TAF1: variants seen among roughly 807,000 people sequenced by gnomAD.
TAF1 encodes TATA-box binding protein associated factor 1.
A neutral mutation model predicts 138.5 loss-of-function variants in TAF1; 2 were observed. That is an observed-to-expected ratio of 0.01 (90% confidence interval 0.01 to 0.05). TAF1 has a LOEUF of 0.05. TAF1 is among the 10% of genes least tolerant of loss of function. The pLI is 1.00. For missense variants in TAF1, 709 were observed against 1,478.0 expected (o/e 0.48, Z 8.53); for synonymous variants, 437 against 503.2 (o/e 0.87, Z 1.76).
chrX:71,473,283 TACAAAAG>T (rs1455449181), intron 13 of TAF1, among the ~76,000 whole-genome samples: 1 of 110,455 alleles, frequency 9.1e-6, no homozygotes, highest in Non-Finnish European at 1.9e-5. Flanking sequence ...AGCTTTACAG[TACAAAAG>T]ACCTTTAAGC....
intron 18 of TAF1, 168 bp downstream of exon 18, chrX:71,389,833 T>A: frequency 2.7e-6 from 1 of 367,628 alleles, no homozygotes; most frequent in Non-Finnish European, 4.6e-6. Context: ...TATCAAATAT[T>A]ATATTTTATA....
At chrX:71,425,599 C>T (rs2036552235) in intron 32 of TAF1, among the ~76,000 whole-genome samples, 1 of 111,321 alleles carries the variant, frequency 9.0e-6, no homozygotes, top group South Asian at 3.8e-4. Context: ...GAGCTATGAT[C>T]ACGCCCCTGC....
chrX:71,478,522 TCAAACAAACAAA>T lies in TAF1; in HGVS notation c.1366+17736_1366+17747del, dbSNP rs745332638. On this transcript the variant is annotated intron_variant and NMD_transcript_variant, in intron 13 of 14. Transcript: ENST00000373775. The stretch of plus-strand genomic sequence containing the variant: ...CTAGGTGATAGAGCAAGACCTTGTC[TCAAACAAACAAA>T]CAAACAAACAAACAAAAACAAGAGA... Among the ~76,000 whole-genome samples the T allele has an allele frequency of 4.6e-5, 5 of 109,788 alleles. No homozygotes were observed. In the East Asian group the frequency reaches 8.6e-4, roughly 19 times the overall value.
intron 32 of TAF1, among the ~76,000 whole-genome samples, chrX:71,441,490 A>C (rs1326133946): frequency 9.0e-6 from 1 of 111,431 alleles, no homozygotes; most frequent in Non-Finnish European, 1.9e-5. Flanking sequence ...ATTTCCATAC[A>C]TATAATTTAT....
chrX:71,405,467 T>C lies in TAF1; in HGVS notation c.3999-1171T>C, dbSNP rs188784583. ...CTGGGTTCACGTGATTCTCCTGCCTTAGCCTCCCAAGTAGCTGGTACTACA... is the reference window on the plus strand; with the variant it reads ...CTGGGTTCACGTGATTCTCCTGCCTCAGCCTCCCAAGTAGCTGGTACTACA... On this transcript the variant is annotated intron_variant, in intron 25 of 37. Transcript: ENST00000423759. Among the ~76,000 whole-genome samples the C allele has an allele frequency of 6.3e-5, 7 of 111,356 alleles. No individual in the cohort carries two copies. The East Asian group carries it at 2.0e-3, about 32-fold the overall frequency.
chrX:71,437,744 G>T (rs1234832459), intron 32 of TAF1, among the ~76,000 whole-genome samples: 5 of 108,903 alleles, frequency 4.6e-5, no homozygotes, highest in Non-Finnish European at 9.5e-5. Flanking sequence ...ATCCTGCTTG[G>T]GTCTCTTGCT....
At chrX:71,413,641 C>G (rs1412091848) in intron 28 of TAF1, among the ~76,000 whole-genome samples, 2 of 111,409 alleles carry the variant, frequency 1.8e-5, no homozygotes, top group African/African-American at 6.5e-5. Flanking sequence ...CCCCATACCT[C>G]TCTTCAGGGC....
intron 32 of TAF1, among the ~76,000 whole-genome samples, chrX:71,428,095 A>ACC (rs1214895955): frequency 1.2e-5 from 1 of 83,234 alleles, no homozygotes; most frequent in Admixed American, 1.6e-4. Flanking sequence ...GGCTCACTGC[A>ACC]CCCTCCGCCT....
chrX:71,367,738 T>G, intron 2 of TAF1, 125 bp downstream of exon 2: 1 of 801,478 alleles, frequency 1.2e-6, no homozygotes, highest in Non-Finnish European at 1.8e-6. Flanking sequence ...TGGGGCGATC[T>G]GGGCTGACTG....
chrX:71,376,627 A>G (rs1403409404), intron 4 of TAF1, among the ~76,000 whole-genome samples: 1 of 108,843 alleles, frequency 9.2e-6, no homozygotes, highest in Non-Finnish European at 1.9e-5. Flanking sequence ...AGATCTCACC[A>G]CTGCACTCCA....
chrX:71,437,979 G>C (rs745939894), intron 32 of TAF1, among the ~76,000 whole-genome samples: 1 of 108,326 alleles, frequency 9.2e-6, no homozygotes, highest in African/African-American at 3.4e-5. Flanking sequence ...GGGATTACAG[G>C]CGTGCACCAC....
intron 13 of TAF1, among the ~76,000 whole-genome samples, chrX:71,474,082 T>C (rs888008925): frequency 2.7e-5 from 3 of 109,371 alleles, no homozygotes; most frequent in Non-Finnish European, 5.7e-5. Context: ...GAAGCAGAGG[T>C]TGTAGTGAGC....
At chrX:71,391,709 C>T (rs1241908188) in intron 18 of TAF1, among the ~76,000 whole-genome samples, 1 of 105,407 alleles carries the variant, frequency 9.5e-6, no homozygotes, top group Non-Finnish European at 1.9e-5. Flanking sequence ...TGACTGCAAC[C>T]TCTGCCTGCT....
intron 32 of TAF1, chrX:71,441,620 A>G (rs2037427382): frequency 6.9e-6 from 2 of 291,413 alleles, no homozygotes; most frequent in Non-Finnish European, 1.3e-5. Flanking sequence ...ATTATTAACT[A>G]TAGTCATTCT....
chrX:71,378,703 T>C (rs2033655895), intron 7 of TAF1, 121 bp from the exon 8 acceptor site: 4 of 780,311 alleles, frequency 5.1e-6, no homozygotes, highest in Non-Finnish European at 7.6e-6. Flanking sequence ...CGTTATCAGG[T>C]GGTTGTTTCA....
At position 71,387,333 on chromosome X, in the gene TAF1, C is replaced by G; in HGVS notation, c.2299C>G (p.Arg767Gly). The part of the protein sequence containing the change: ...KMPETDFLII[R>G]TRQGYYIREL... ...GCCAGAAACTGATTTCTTGATCATT[C>G]GGACAAGACAGGGTTACTATATTCG... Residue 767 changes from arginine to glycine, a missense_variant, in exon 15 of 38, where the codon CGG becomes GGG. Arg to Gly is a moderately radical substitution (Grantham distance 125). This residue lies in a region of TAF1 where 201 missense variants were observed against 421.3 expected (regional missense o/e 0.48). Transcript: ENST00000423759. 1 of 1,211,824 alleles carries G rather than the reference C, an allele frequency of 8.3e-7. No individual in the cohort carries two copies. Among genetic ancestry groups the G allele is most frequent in the East Asian group, 3.0e-5 (1 of 33,857 alleles).
chrX:71,515,616 A>G (rs2039810259), intron 13 of TAF1, among the ~76,000 whole-genome samples: 1 of 111,452 alleles, frequency 9.0e-6, no homozygotes, highest in East Asian at 2.8e-4. Flanking sequence ...CTAATACTAT[A>G]TATGAAAGTT....
At chrX:71,468,515 G>A (rs760576278), downstream of TAF1, among the ~76,000 whole-genome samples, 18 of 107,729 alleles carry the variant, frequency 1.7e-4, no homozygotes, top group South Asian at 7.5e-3. Context: ...GTGAAACCCC[G>A]TCTCTACTAA....
chrX:71,400,959 T>C (rs1284007774), intron 24 of TAF1, among the ~76,000 whole-genome samples: 1 of 112,174 alleles, frequency 8.9e-6, no homozygotes, highest in Non-Finnish European at 1.9e-5. Flanking sequence ...ACCTTTTTCT[T>C]GTTTTGACTA....
Sources: gnomAD v4.1 joint callset for allele counts (sites outside exome capture counted in the v4.1 genomes callset) on GRCh38, gnomAD v4.1.1 for gene constraint, gnomAD v4.1.1 regional missense constraint, MANE v1.5 for transcripts, NCBI Gene and HGNC (gene_info 2026-07-23, HGNC 2026-07-21) for gene names.